PRR5L: variants seen among roughly 807,000 people sequenced by gnomAD.
The protein encoded by PRR5L is proline rich 5 like.
In PRR5L, 21 loss-of-function variants were observed where a neutral mutation model predicts 36.4. The observed-to-expected ratio is 0.58, with a 90% CI of 0.41 to 0.83. The LOEUF is 0.83. Among genes scored for constraint, PRR5L ranks in the 40% least tolerant of loss-of-function variants. The probability of loss-of-function intolerance (pLI) is 0.00; values close to 1 mark genes in which losing one functional copy is unlikely to be tolerated. For missense variants in PRR5L, 381 were observed against 473.3 expected, an observed-to-expected ratio of 0.80 and a Z score of 1.81; for synonymous variants, 188 against 197.0, an observed-to-expected ratio of 0.95 and a Z score of 0.38.
chr11:36,365,528 C>T (rs775257097), intron 1 of PRR5L, among the ~76,000 whole-genome samples: 24 of 152,124 alleles, frequency 1.6e-4, no homozygotes, highest in Non-Finnish European at 2.9e-4. Context: ...TGAAGACCAC[C>T]TCCAAGTTCT....
intron 1 of PRR5L, among the ~76,000 whole-genome samples, chr11:36,371,977 G>A (rs1857202370): frequency 6.6e-6 from 1 of 152,160 alleles, no homozygotes; most frequent in African/African-American, 2.4e-5. Flanking sequence ...ACAGTCACTT[G>A]AACCCAGGAG....
Position 36,462,433 on chromosome 11 carries a change from C to T in PRR5L, c.804C>T (p.Val268=), listed in dbSNP as rs1237011870. 1 of 1,602,036 alleles carries T rather than the reference C, an allele frequency of 6.2e-7. No individual in the cohort carries two copies. Among genetic ancestry groups the T allele is most frequent in the Non-Finnish European group, 8.5e-7 (1 of 1,173,656 alleles). The part of the protein sequence containing the change: ...TAVSRPLNEM[V]LTPLTEQEGE... ...TCAGCCGGCCACTGAATGAGATGGT[C>T]TTGACCCCACTGACAGAGCAGGAGG... The change falls in exon 9 of 9, where the codon GTC becomes GTT. Residue 268 remains valine, a synonymous_variant. Transcript: ENST00000530639.
chr11:36,379,679 A>T (rs1033812987), intron 1 of PRR5L, among the ~76,000 whole-genome samples: 1 of 152,230 alleles, frequency 6.6e-6, no homozygotes, highest in African/African-American at 2.4e-5. Context: ...AGCAGAAAGC[A>T]CTGTTTTACA....
chr11:36,422,594 C>T (rs780177128), intron 4 of PRR5L, among the ~76,000 whole-genome samples: 6 of 152,212 alleles, frequency 3.9e-5, no homozygotes, highest in Admixed American at 6.5e-5. Flanking sequence ...CTTTTGAAAG[C>T]GAACATTCTC....
chr11:36,365,827 A>G (rs1393453837), intron 1 of PRR5L, among the ~76,000 whole-genome samples: 1 of 152,232 alleles, frequency 6.6e-6, no homozygotes, highest in East Asian at 1.9e-4. Flanking sequence ...AGAACTGCCC[A>G]CCAGTTAACG....
chr11:36,438,949 C>T, intron 6 of PRR5L, among the ~76,000 whole-genome samples: 1 of 152,110 alleles, frequency 6.6e-6, no homozygotes, highest in Non-Finnish European at 1.5e-5. Context: ...TAAATAAATA[C>T]TACGGGATGT....
intron 1 of PRR5L, chr11:36,350,140 G>T (rs935484842): frequency 2.1e-5 from 3 of 143,160 alleles, no homozygotes; most frequent in African/African-American, 7.6e-5. Context: ...GTGAGTGTGT[G>T]TGTGAGTGTG....
chr11:36,382,514 A>G (rs67469364), intron 1 of PRR5L, among the ~76,000 whole-genome samples: 66,849 of 152,136 alleles, frequency 0.44, 16,665 homozygotes, highest in Non-Finnish European at 0.57. Flanking sequence ...CCGATTCAGT[A>G]GGTCTGGGCT....
intron 5 of PRR5L, 109 bp from the exon 6 acceptor site, chr11:36,437,276 A>C: frequency 1.2e-6 from 1 of 820,022 alleles, no homozygotes; most frequent in Non-Finnish European, 2.1e-6. Context: ...CAAGTTTTTT[A>C]GCATGTGCAG....
At chr11:36,311,545 A>C (rs1021153581) in intron 1 of PRR5L, among the ~76,000 whole-genome samples, 1 of 152,220 alleles carries the variant, frequency 6.6e-6, no homozygotes, top group African/African-American at 2.4e-5. Context: ...TACTACTTTT[A>C]TGAAAACTAT....
At chr11:36,328,083 G>A (rs1856683034) in intron 1 of PRR5L, among the ~76,000 whole-genome samples, 1 of 152,104 alleles carries the variant, frequency 6.6e-6, no homozygotes, top group Non-Finnish European at 1.5e-5. Context: ...CATGACAAAA[G>A]ACAGATTAGC....
At chr11:36,407,215 G>A (rs1857930403) in intron 3 of PRR5L, among the ~76,000 whole-genome samples, 2 of 152,134 alleles carry the variant, frequency 1.3e-5, no homozygotes, top group South Asian at 4.1e-4. Flanking sequence ...TCCAGGCCAG[G>A]TGTCATGCTC....
At chr11:36,366,318 A>G (rs1471779903) in intron 1 of PRR5L, among the ~76,000 whole-genome samples, 1 of 152,162 alleles carries the variant, frequency 6.6e-6, no homozygotes, top group Non-Finnish European at 1.5e-5. Context: ...GTGTCAGCAC[A>G]TGGTACATCT....
At position 36,319,598 on chromosome 11, in the gene PRR5L, C is replaced by T. The variant is rs1187289224; in HGVS notation, c.-126+23160C>T. On this transcript the variant is annotated intron_variant, in intron 1 of 8. Coordinates refer to ENST00000530639, the MANE Select transcript of PRR5L (RefSeq NM_001160167.2). ...GCTTAGCTGTGTTCCAGTAAAACTA[C>T]TTACAAAGGCAGGCAGTTGTGGGGA... 2.0e-5 allele frequency among the ~76,000 whole-genome samples: 3 copies of T among 151,958 alleles called. No individual in the cohort carries two copies. The East Asian group carries it at 5.8e-4, about 29-fold the overall frequency.
intron 5 of PRR5L, among the ~76,000 whole-genome samples, chr11:36,436,179 C>G (rs760972601): frequency 6.6e-6 from 1 of 152,316 alleles, no homozygotes; most frequent in Middle Eastern, 3.4e-3. Flanking sequence ...AATTAATAGA[C>G]GGGAGGCGCC....
In PRR5L at chr11:36,335,375, C is replaced by A. The variant is rs115949365; in HGVS notation, c.-126+38937C>A. On this transcript the variant is annotated intron_variant, in intron 1 of 8. Transcript: ENST00000530639. ...CCACCATGCTTGGCTGAGTAGAAAC[C>A]TTTCTATAAATATTGTCTGCTTGGG... is the stretch of plus-strand genomic sequence containing the variant. Among the ~76,000 whole-genome samples the A allele has an allele frequency of 7.2e-3, 1,074 of 149,774 alleles. 12 individuals are homozygous for A. The highest frequency in any genetic ancestry group is 0.025 in the African/African-American group (1,033 of 40,510).
chr11:36,376,770 T>A, intron 1 of PRR5L: 2 of 966,740 alleles, frequency 2.1e-6, no homozygotes, highest in Non-Finnish European at 2.5e-6. Context: ...CCGCGCAGGA[T>A]TGAGCGAAAA....
At chr11:36,372,836 G>A (rs979828229) in intron 1 of PRR5L, among the ~76,000 whole-genome samples, 1 of 152,160 alleles carries the variant, frequency 6.6e-6, no homozygotes, top group South Asian at 2.1e-4. Context: ...TTGGCAAGTA[G>A]TTCAAACAAT....
At chr11:36,431,830 T>C (rs891312700) in intron 4 of PRR5L, 23 bp from the exon 5 acceptor site, 32 of 1,612,600 alleles carry the variant, frequency 2.0e-5, no homozygotes, top group African/African-American at 2.7e-5. Flanking sequence ...CAAATTCTTA[T>C]GTTCTTTGTT....
Sources: allele counts gnomAD v4.1 joint callset (sites outside exome capture counted in the v4.1 genomes callset), GRCh38; gene constraint gnomAD v4.1.1; transcripts MANE v1.5; gene names NCBI Gene and HGNC (gene_info 2026-07-23, HGNC 2026-07-21).